The following COMMD4 variants were observed in gnomAD, a reference collection of about 807,000 sequenced individuals.
COMMD4 encodes the protein COMM domain-containing protein 4.
COMMD4 carries 18 observed loss-of-function variants against 27.5 expected under a neutral mutation model. The observed-to-expected ratio is 0.65, with a 90% confidence interval of 0.45 to 0.97. The LOEUF (loss-of-function observed/expected upper bound fraction) is 0.97, where lower values mean the gene tolerates loss of function less well. Among genes scored for constraint, COMMD4 ranks in the 50% least tolerant of loss-of-function variants. COMMD4 has a pLI of 0.00. For missense variants in COMMD4, 243 were observed against 250.0 expected (o/e 0.97, Z 0.19); for synonymous variants, 108 against 108.4 (o/e 1.00, Z 0.02).
chr15:75,339,548 C>A, intron 6 of COMMD4, 154 bp from the exon 7 acceptor site: 1 of 1,127,986 alleles, frequency 8.9e-7, no homozygotes, highest in Non-Finnish European at 1.3e-6. Flanking sequence ...AACTGATTAT[C>A]GGGCACCTGC....
At position 75,339,118 on chromosome 15, in the gene COMMD4, G is replaced by T; in HGVS notation, c.301+14G>T. ...GGCTGCCCAAAGGTACGGGTTGTGG[G>T]TGGGCAGCTGGGCAGCCTGTGGGCC... On this transcript the variant is annotated intron_variant, in intron 5 of 7. Transcript: ENST00000267935. 6.2e-7 allele frequency: 1 copy of T among 1,612,886 alleles called. No individual in the cohort carries two copies. The highest frequency in any genetic ancestry group is 8.5e-7 in the Non-Finnish European group (1 of 1,180,026).
intron 1 of COMMD4, chr15:75,336,496 T>A (rs2071195405): frequency 2.1e-6 from 1 of 481,342 alleles, no homozygotes; most frequent in East Asian, 3.4e-5. Context: ...TCAGGCTCAC[T>A]CTTCCACACT....
chr15:75,336,238 A>G (rs1404158341), intron 1 of COMMD4, 146 bp downstream of exon 1: 2 of 1,537,462 alleles, frequency 1.3e-6, no homozygotes, highest in Admixed American at 4.0e-5. Flanking sequence ...CTGGTAGGGA[A>G]AAGTCCACCA....
At chr15:75,341,981 T>C (rs944338454), downstream of COMMD4, 1 of 139,672 alleles carries the variant, frequency 7.2e-6, no homozygotes, top group Non-Finnish European at 1.5e-5. Context: ...GGAGGATCAA[T>C]CGCTTGAGCC....
chr15:75,337,917 T>C (rs1356093473), intron 1 of COMMD4, 145 bp from the exon 2 acceptor site: 14 of 777,348 alleles, frequency 1.8e-5, no homozygotes, highest in Admixed American at 1.1e-4. Context: ...AACAGCCTGG[T>C]GATAGGGGAG....
intron 1 of COMMD4, chr15:75,336,541 A>AAGT (rs2071198856): frequency 3.3e-6 from 1 of 304,504 alleles, no homozygotes; most frequent in African/African-American, 2.1e-5. Flanking sequence ...CAGAGCCAGA[A>AAGT]AGTAGTAGTT....
chr15:75,338,826 C>G (rs185605275), intron 4 of COMMD4, 141 bp downstream of exon 4: 230 of 1,415,520 alleles, frequency 1.6e-4, no homozygotes, highest in Non-Finnish European at 2.1e-4. Flanking sequence ...AAAGAAAGAC[C>G]GACAGTCCCA....
Position 75,336,111 on chromosome 15 carries a change from A to G in COMMD4, c.3+19A>G. 1 of 1,549,814 alleles carries G rather than the reference A, an allele frequency of 6.5e-7. No homozygotes were observed. Among genetic ancestry groups the G allele is most frequent in the Non-Finnish European group, 8.7e-7 (1 of 1,146,814 alleles). Reference sequence around the variant, plus strand: ...CGCGATGGTGAGGCACTAGGGGCGAAGCGAGGCTTGGGCTGCTGGAGCGGG... The same window carrying G: ...CGCGATGGTGAGGCACTAGGGGCGAGGCGAGGCTTGGGCTGCTGGAGCGGG... On this transcript the variant is annotated intron_variant, in intron 1 of 7. Coordinates refer to ENST00000267935, the MANE Select transcript of COMMD4 (RefSeq NM_017828.5).
chr15:75,336,440 C>A (rs989085758), intron 1 of COMMD4: 3 of 596,498 alleles, frequency 5.0e-6, no homozygotes, highest in Non-Finnish European at 2.8e-6. Flanking sequence ...AAGGATACCC[C>A]CTTCCCCAGC....
downstream of COMMD4, among the ~76,000 whole-genome samples, chr15:75,340,599 CTATTTATT>C (rs530947043): frequency 1.6e-4 from 25 of 152,132 alleles, no homozygotes; most frequent in African/African-American, 2.9e-4. Flanking sequence ...CTGCCATCTT[CTATTTATT>C]TATTTATTTA....
intron 1 of COMMD4, 189 bp downstream of exon 1, chr15:75,336,281 G>A: frequency 1.3e-6 from 2 of 1,492,320 alleles, no homozygotes; most frequent in Non-Finnish European, 1.8e-6. Context: ...GCGGGGGTAC[G>A]GGGCGGGTAA....
rs1196771868 is a variant in COMMD4, at chr15:75,339,097, G to A, written c.294G>A (p.Leu98=). The part of the protein sequence containing the change: ...SLSSELQQLG[L]PKEHAASLCR... The stretch of plus-strand genomic sequence containing the variant: ...CCAGTGAACTGCAGCAGCTGGGGCT[G>A]CCCAAAGGTACGGGTTGTGGGTGGG... The change falls in exon 5 of 8, where the codon CTG becomes CTA. Residue 98 remains leucine, a synonymous_variant. Coordinates refer to ENST00000267935, the MANE Select transcript of COMMD4 (RefSeq NM_017828.5). 1.2e-6 allele frequency: 2 copies of A among 1,613,348 alleles called. No homozygotes were observed. The highest frequency in any genetic ancestry group is 2.2e-5 in the East Asian group (1 of 44,820).
chr15:75,336,089 G>C lies in COMMD4; in HGVS notation c.-1G>C, dbSNP rs1262544162. The C allele has an allele frequency of 3.2e-6, 5 of 1,549,816 alleles. No homozygotes were observed. Among genetic ancestry groups the C allele is most frequent in the Non-Finnish European group, 4.4e-6 (5 of 1,146,830 alleles). ...TTCCCGGGCCCTGGCTTCTTGGCGC[G>C]ATGGTGAGGCACTAGGGGCGAAGCG... On this transcript the variant is annotated 5_prime_UTR_variant, in exon 1 of 8. Coordinates refer to ENST00000267935, the MANE Select transcript of COMMD4 (RefSeq NM_017828.5).
At chr15:75,338,226 G>A in intron 2 of COMMD4, 93 bp downstream of exon 2, 1 of 1,506,352 alleles carries the variant, frequency 6.6e-7, no homozygotes, top group Non-Finnish European at 9.1e-7. Flanking sequence ...TGGGGCTAGG[G>A]CCTCAGTGCT....
At chr15:75,339,673 T>A in intron 6 of COMMD4, 29 bp from the exon 7 acceptor site, 1 of 1,553,986 alleles carries the variant, frequency 6.4e-7, no homozygotes, top group South Asian at 1.2e-5. Context: ...CCTGCTTTGA[T>A]CCTGAGAGCC....
At chr15:75,336,123 G>A in intron 1 of COMMD4, 31 bp downstream of exon 1, 1 of 1,549,794 alleles carries the variant, frequency 6.5e-7, no homozygotes, top group South Asian at 1.2e-5. Flanking sequence ...CGAGGCTTGG[G>A]CTGCTGGAGC....
intron 1 of COMMD4, 37 bp downstream of exon 1, chr15:75,336,129 G>A (rs1567196364): frequency 1.9e-6 from 3 of 1,549,798 alleles, no homozygotes; most frequent in Non-Finnish European, 1.7e-6. Flanking sequence ...TTGGGCTGCT[G>A]GAGCGGGAAT....
At chr15:75,338,764 C>A in intron 4 of COMMD4, 79 bp downstream of exon 4, 1 of 1,506,228 alleles carries the variant, frequency 6.6e-7, no homozygotes, top group Non-Finnish European at 9.1e-7. Flanking sequence ...GGGCCCCCCA[C>A]CCCTCCCAGC....
At chr15:75,336,305 G>A (rs750158370) in intron 1 of COMMD4, 301 of 1,433,112 alleles carry the variant, frequency 2.1e-4, no homozygotes, top group Admixed American at 5.3e-4. Flanking sequence ...AGAGCAGGCC[G>A]GCCGGCTTAG....
Sources: gnomAD v4.1 joint callset for allele counts (sites outside exome capture counted in the v4.1 genomes callset) on GRCh38, gnomAD v4.1.1 for gene constraint, MANE v1.5 for transcripts, NCBI Gene and HGNC (gene_info 2026-07-23, HGNC 2026-07-21) for gene names.